The following NIPBL variants were observed in gnomAD, a reference collection of about 807,000 sequenced individuals.
NIPBL encodes the protein NIPBL cohesin loading factor, also known as nipped-B-like protein.
Under a neutral mutation model 321.8 loss-of-function variants are expected in NIPBL, and 19 were observed. The observed-to-expected ratio is 0.06, with a 90% confidence interval of 0.04 to 0.09. NIPBL has a LOEUF of 0.09. Ranked by LOEUF, NIPBL falls within the 10% of genes least tolerant of loss-of-function variation. NIPBL has a pLI of 1.00. For synonymous variants in NIPBL, 1,106 were observed against 1,114.1 expected, an observed-to-expected ratio of 0.99 and a Z score of 0.14; for missense variants, 2,210 against 3,327.0, an observed-to-expected ratio of 0.66 and a Z score of 8.26.
intron 16 of NIPBL, 131 bp downstream of exon 16, chr5:37,003,478 G>T: frequency 1.7e-6 from 1 of 593,886 alleles, no homozygotes; most frequent in Non-Finnish European, 3.1e-6. Context: ...GAAAGTAGGT[G>T]AATAATTTTT....
chr5:36,950,408 T>G (rs982070288), intron 1 of NIPBL, among the ~76,000 whole-genome samples: 2 of 152,094 alleles, frequency 1.3e-5, no homozygotes, highest in African/African-American at 4.8e-5. Context: ...TCATCACCAC[T>G]TAGAGGTGGG....
At chr5:37,052,683 G>A in intron 42 of NIPBL, 117 bp downstream of exon 42, 1 of 781,316 alleles carries the variant, frequency 1.3e-6, no homozygotes, top group Non-Finnish European at 2.1e-6. Context: ...TTCATTAAGT[G>A]TTTTCTTAAT....
intron 8 of NIPBL, among the ~76,000 whole-genome samples, chr5:36,974,554 AAAGAT>A (rs956366876): frequency 1.3e-5 from 2 of 152,166 alleles, no homozygotes; most frequent in Admixed American, 6.5e-5. Context: ...GAAAAATTTT[AAAGAT>A]AATACTCAAG....
chr5:37,045,455 A>G lies in NIPBL; in HGVS notation c.6356A>G (p.Lys2119Arg), dbSNP rs1013961720. 28 of 1,611,458 alleles carry G rather than the reference A, an allele frequency of 1.7e-5. No homozygotes were observed. The highest frequency in any genetic ancestry group is 2.4e-5 in the Non-Finnish European group (28 of 1,177,994). ...CFNRYYGAIS[K>R]LKSQHQEDPN... The stretch of plus-strand genomic sequence containing the variant: ...TTATCTTTATTAGGTGCCATTTCAA[A>G]ATTAAAAAGTCAACACCAAGAGGAC... Residue 2119 changes from lysine (K) to arginine (R), a missense_variant, in exon 37 of 47, where the codon AAA becomes AGA. Around this residue, in one of 14 missense-constraint regions of NIPBL, gnomAD observed 73 missense variants for 222.3 expected, o/e 0.33. Transcript: ENST00000282516.
chr5:36,964,871 A>G (rs1394992462), intron 6 of NIPBL, among the ~76,000 whole-genome samples: 2 of 152,164 alleles, frequency 1.3e-5, no homozygotes, highest in Admixed American at 1.3e-4. Flanking sequence ...AAGCCAAAAG[A>G]TGTGAGTAGA....
intron 1 of NIPBL, among the ~76,000 whole-genome samples, chr5:36,898,429 C>T (rs984850983): frequency 7.3e-5 from 11 of 151,398 alleles, no homozygotes; most frequent in African/African-American, 1.7e-4. Context: ...ACAATTGAGG[C>T]GTAGGAAGTT....
intron 1 of NIPBL, among the ~76,000 whole-genome samples, chr5:36,917,284 T>C (rs547996084): frequency 6.6e-6 from 1 of 152,368 alleles, no homozygotes; most frequent in East Asian, 1.9e-4. Context: ...GCTGCATAAA[T>C]GTCTTCTTTT....
chr5:37,049,936 A>G (rs796417642), intron 40 of NIPBL, among the ~76,000 whole-genome samples: 2 of 152,300 alleles, frequency 1.3e-5, no homozygotes, highest in African/African-American at 4.8e-5. Context: ...GGTATTTTTC[A>G]TGGAACGTTT....
chr5:36,965,401 T>C (rs1018705085), intron 6 of NIPBL, among the ~76,000 whole-genome samples: 12 of 152,088 alleles, frequency 7.9e-5, no homozygotes, highest in African/African-American at 2.9e-4. Flanking sequence ...GGTCATTATG[T>C]TAAGTGAAAT....
At chr5:36,963,545 T>C (rs1413714947) in intron 6 of NIPBL, among the ~76,000 whole-genome samples, 1 of 151,698 alleles carries the variant, frequency 6.6e-6, no homozygotes, top group Non-Finnish European at 1.5e-5. Context: ...TATGCACTTG[T>C]AATCCCAGCA....
At chr5:37,044,224 C>T (rs1752747333) in intron 34 of NIPBL, 123 bp from the exon 35 acceptor site, 1 of 776,060 alleles carries the variant, frequency 1.3e-6, no homozygotes, top group Non-Finnish European at 2.0e-6. Context: ...CTCTAACAGA[C>T]TTTTTTTTTT....
intron 21 of NIPBL, among the ~76,000 whole-genome samples, chr5:37,012,753 A>G (rs1748320223): frequency 6.6e-6 from 1 of 152,126 alleles, no homozygotes; most frequent in Admixed American, 6.5e-5. Flanking sequence ...GAGTGGATAC[A>G]GCACGTTTCA....
chr5:37,017,965 G>A (rs140751949), intron 24 of NIPBL, among the ~76,000 whole-genome samples: 48 of 151,434 alleles, frequency 3.2e-4, no homozygotes, highest in African/African-American at 1.1e-3. Flanking sequence ...ATTTTGTTTC[G>A]AACCACTTGA....
intron 8 of NIPBL, among the ~76,000 whole-genome samples, chr5:36,974,634 A>T (rs1277057370): frequency 3.3e-5 from 5 of 152,170 alleles, no homozygotes; most frequent in Non-Finnish European, 5.9e-5. Context: ...ACAAAATGTT[A>T]GACTAACATT....
At chr5:36,977,335 G>C (rs915229947) in intron 9 of NIPBL, among the ~76,000 whole-genome samples, 3 of 151,908 alleles carry the variant, frequency 2.0e-5, no homozygotes, top group Admixed American at 1.3e-4. Context: ...GGGTAGAGCT[G>C]ATTTTTATAT....
intron 1 of NIPBL, among the ~76,000 whole-genome samples, chr5:36,893,490 A>T (rs74763595): frequency 7.4e-5 from 11 of 147,918 alleles, no homozygotes; most frequent in Non-Finnish European, 1.5e-4. Flanking sequence ...TCACCTAGGG[A>T]TTTTTTTTTT....
At chr5:36,936,869 G>A (rs1738490910) in intron 1 of NIPBL, among the ~76,000 whole-genome samples, 1 of 151,470 alleles carries the variant, frequency 6.6e-6, no homozygotes, top group East Asian at 1.9e-4. Context: ...AAAACAACTA[G>A]CACAGTGCCT....
intron 1 of NIPBL, among the ~76,000 whole-genome samples, chr5:36,894,604 A>G (rs991370148): frequency 6.6e-6 from 1 of 152,004 alleles, no homozygotes; most frequent in African/African-American, 2.4e-5. Flanking sequence ...TTATCCATCT[A>G]TCCAAATCAT....
rs1747631188 is a variant in NIPBL, at chr5:37,007,890, G to C, written c.4240-118G>C. On this transcript the variant is annotated intron_variant, in intron 18 of 46. Transcript: ENST00000282516. ...ATAGATGCTGATTAGGTGGGGAAAA[G>C]AAAAAATGCTTTCTTAGTGTTTTCC... The C allele has an allele frequency of 5.5e-6, 4 of 724,620 alleles. No individual in the cohort carries two copies. In the Admixed American group the frequency reaches 6.3e-5, roughly 11 times the overall value. The allele number at this position is 724,620 out of a possible 1,614,324, so 44.9% of individuals were successfully genotyped here. A position where few individuals can be genotyped will look rare whatever the true frequency, so the allele number is the denominator to read the frequency against.
Sources: allele counts gnomAD v4.1 joint callset (sites outside exome capture counted in the v4.1 genomes callset), GRCh38; gene constraint gnomAD v4.1.1; regional missense constraint gnomAD v4.1.1; transcripts MANE v1.5; gene names NCBI Gene and HGNC (gene_info 2026-07-23, HGNC 2026-07-21).